The following NRG4 variants were observed in gnomAD, a reference collection of about 807,000 sequenced individuals.
The protein encoded by NRG4 is pro-neuregulin-4, membrane-bound isoform.
Under a neutral mutation model 15.0 loss-of-function variants are expected in NRG4, and 10 were observed. The observed-to-expected ratio is 0.67, with a 90% CI of 0.41 to 1.13. The LOEUF is 1.13. Ranked by LOEUF, NRG4 falls within the 50% of genes most tolerant of loss-of-function variation. The pLI, the probability that NRG4 is intolerant of heterozygous loss-of-function variation, is 0.00. For missense variants in NRG4, 139 were observed against 140.2 expected (o/e 0.99, Z 0.04); for synonymous variants, 41 against 50.1 (o/e 0.82, Z 0.77).
intron 3 of NRG4, among the ~76,000 whole-genome samples, chr15:75,979,905 T>G (rs937619052): frequency 6.6e-6 from 1 of 152,216 alleles, no homozygotes. Context: ...AAATGGTAAC[T>G]GAACCTTCTT....
intron 2 of NRG4, among the ~76,000 whole-genome samples, chr15:76,010,695 A>G (rs948171875): frequency 3.3e-4 from 50 of 152,268 alleles, no homozygotes; most frequent in Admixed American, 9.8e-4. Flanking sequence ...CAACAAGATT[A>G]TAAAATTTTT....
chr15:75,971,299 T>C (rs2033079628), intron 3 of NRG4: 1 of 454,476 alleles, frequency 2.2e-6, no homozygotes, highest in African/African-American at 2.0e-5. Context: ...TCTCATGATC[T>C]CTGTAGAAGG....
intron 4 of NRG4, among the ~76,000 whole-genome samples, chr15:76,045,391 G>T (rs1383954491): frequency 6.6e-6 from 1 of 150,730 alleles, no homozygotes; most frequent in Non-Finnish European, 1.5e-5. Flanking sequence ...CTAAAAATAG[G>T]GCTACCATAT....
intron 3 of NRG4, among the ~76,000 whole-genome samples, chr15:76,008,099 A>G (rs1318192103): frequency 6.6e-6 from 1 of 152,182 alleles, no homozygotes; most frequent in Admixed American, 6.5e-5. Flanking sequence ...AAATTAATCC[A>G]TTTTGCACTT....
chr15:76,013,741 A>G (rs907912393), upstream of NRG4, among the ~76,000 whole-genome samples: 2 of 152,144 alleles, frequency 1.3e-5, no homozygotes, highest in African/African-American at 2.4e-5. Context: ...CCAGTCTATC[A>G]TTGAGGGGAA....
intron 3 of NRG4, among the ~76,000 whole-genome samples, chr15:75,962,373 C>T (rs991103340): frequency 6.6e-6 from 1 of 152,058 alleles, no homozygotes; most frequent in African/African-American, 2.4e-5. Context: ...TATTCCAACC[C>T]CATTCATTAA....
Position 76,009,271 on chromosome 15 carries a change from G to T in NRG4, c.33C>A (p.Pro11=). 1 of 1,592,278 alleles carries T rather than the reference G, an allele frequency of 6.3e-7. No homozygotes were observed. Among genetic ancestry groups the T allele is most frequent in the Non-Finnish European group, 8.6e-7 (1 of 1,164,436 alleles). MPTDHEEPCG[P]SHKSFCLNGG... ...CATTCAGGCAAAACGACTTGTGACT[G>T]GGACCACAGGGCTCTTCGTGATCTA... The change falls in exon 3 of 6, where the codon CCC becomes CCA. Residue 11 remains proline (P), a synonymous_variant. Coordinates refer to ENST00000394907, the MANE Select transcript of NRG4 (RefSeq NM_138573.4).
intron 5 of NRG4, among the ~76,000 whole-genome samples, chr15:75,947,995 G>T (rs1230939539): frequency 1.3e-5 from 2 of 152,076 alleles, no homozygotes; most frequent in Non-Finnish European, 2.9e-5. Flanking sequence ...GCCCGTTTTT[G>T]AATTAGGTTC....
At chr15:76,041,212 CCTT>C (rs754247354) in intron 4 of NRG4, among the ~76,000 whole-genome samples, 129 of 151,662 alleles carry the variant, frequency 8.5e-4, no homozygotes, top group Non-Finnish European at 1.6e-3. Context: ...GAGAAAATCA[CCTT>C]CACTAAAAGG....
At chr15:75,951,856 A>G (rs1333733618) in intron 5 of NRG4, among the ~76,000 whole-genome samples, 1 of 152,158 alleles carries the variant, frequency 6.6e-6, no homozygotes, top group Admixed American at 6.5e-5. Context: ...ATAATACGAG[A>G]AAGATCTTAC....
chr15:75,967,039 G>A (rs983497741), intron 3 of NRG4, among the ~76,000 whole-genome samples: 1 of 151,190 alleles, frequency 6.6e-6, no homozygotes, highest in Admixed American at 6.6e-5. Flanking sequence ...GCTTGAATCC[G>A]GGAGGCGGAA....
At chr15:75,997,019 T>C (rs1213306981) in intron 3 of NRG4, among the ~76,000 whole-genome samples, 1 of 152,070 alleles carries the variant, frequency 6.6e-6, no homozygotes, top group African/African-American at 2.4e-5. Flanking sequence ...TTCATGATCT[T>C]CTCCCCATTT....
chr15:76,027,418 T>C (rs2035344263), intron 5 of NRG4, among the ~76,000 whole-genome samples: 1 of 152,010 alleles, frequency 6.6e-6, no homozygotes, highest in Middle Eastern at 3.4e-3. Context: ...CACCTAGATA[T>C]ATAAAGCAAG....
intron 3 of NRG4, among the ~76,000 whole-genome samples, chr15:75,996,687 A>T (rs2034228332): frequency 6.6e-6 from 1 of 152,170 alleles, no homozygotes; most frequent in African/African-American, 2.4e-5. Context: ...CTACATAATG[A>T]TAGTACTAGA....
chr15:75,971,313 T>C (rs1408181226), intron 3 of NRG4: 1 of 445,290 alleles, frequency 2.2e-6, no homozygotes, highest in African/African-American at 2.0e-5. Flanking sequence ...TAGAAGGTGA[T>C]ATAGATCTAT....
intron 3 of NRG4, among the ~76,000 whole-genome samples, chr15:75,988,340 C>G (rs1471409593): frequency 6.6e-6 from 1 of 152,122 alleles, no homozygotes; most frequent in Non-Finnish European, 1.5e-5. Context: ...CATGCGCCAC[C>G]ATGCCCTGAT....
At chr15:76,041,271 C>A (rs1377591950) in intron 4 of NRG4, among the ~76,000 whole-genome samples, 2 of 151,650 alleles carry the variant, frequency 1.3e-5, no homozygotes, top group Non-Finnish European at 2.9e-5. Flanking sequence ...ATAAAACAAC[C>A]AGAAAACAAA....
chr15:75,950,974 G>C (rs2031847183), intron 5 of NRG4: 1 of 184,954 alleles, frequency 5.4e-6, no homozygotes, highest in Admixed American at 5.1e-5. Flanking sequence ...GTAATGCTAA[G>C]AATTTTTAAA....
intron 3 of NRG4, among the ~76,000 whole-genome samples, chr15:76,006,807 T>C (rs1270628569): frequency 2.6e-5 from 4 of 152,200 alleles, no homozygotes; most frequent in East Asian, 1.9e-4. Context: ...CTATCCAACG[T>C]ACAAAAGCAG....
Sources: allele counts gnomAD v4.1 joint callset (sites outside exome capture counted in the v4.1 genomes callset), GRCh38; gene constraint gnomAD v4.1.1; transcripts MANE v1.5; gene names NCBI Gene and HGNC (gene_info 2026-07-23, HGNC 2026-07-21).